The following CELF2 variants were observed in gnomAD, a reference collection of about 807,000 sequenced individuals.
The protein encoded by CELF2 is CUG triplet repeat RNA-binding protein 2.
A neutral mutation model predicts 62.6 loss-of-function variants in CELF2; 8 were observed. That is an observed-to-expected ratio of 0.13 (90% CI 0.07 to 0.23). The LOEUF is 0.23. CELF2 is among the 10% of genes least tolerant of loss of function. The probability of loss-of-function intolerance (pLI) is 1.00; values close to 1 mark genes in which losing one functional copy is unlikely to be tolerated. For missense variants in CELF2, 333 were observed against 671.0 expected (o/e 0.50, Z 5.56); for synonymous variants, 258 against 250.0 (o/e 1.03, Z -0.30).
At chr10:10,549,604 C>G in the CELF2 span, among the ~76,000 whole-genome samples, 1 of 152,122 alleles carries the variant, frequency 6.6e-6, no homozygotes, top group Non-Finnish European at 1.5e-5. Context: ...TCTTCTGCAG[C>G]CTCTCTTCTT....
In CELF2 at chr10:11,025,229, G is replaced by A. The variant is rs975537394; in HGVS notation, c.74+7066G>A. ...TATATGTGTGTGTGTGTGTGTGTGT[G>A]TGTGTGTGTGTATATGTATGTGACT... is the stretch of plus-strand genomic sequence containing the variant. On this transcript the variant is annotated intron_variant, in intron 1 of 12. Transcript: ENST00000633077. Among the ~76,000 whole-genome samples, 14 of 48,974 alleles carry A rather than the reference G, an allele frequency of 2.9e-4. No homozygotes were observed. The South Asian group carries it at 6.6e-3, about 23-fold the overall frequency. The allele number at this position is 48,974 out of a possible 152,430, so 32.1% of individuals were successfully genotyped here.
At chr10:10,820,303 T>C (rs2056851214) in intron 1 of CELF2, among the ~76,000 whole-genome samples, 1 of 152,156 alleles carries the variant, frequency 6.6e-6, no homozygotes. Context: ...TAGAAATCAT[T>C]TAAAAAGGGA....
intron 1 of CELF2, among the ~76,000 whole-genome samples, chr10:10,845,762 A>G (rs1364184909): frequency 6.6e-6 from 1 of 152,138 alleles, no homozygotes; most frequent in African/African-American, 2.4e-5. Context: ...CTTAAATAAG[A>G]TCTGAGCACT....
intron 9 of CELF2, among the ~76,000 whole-genome samples, chr10:11,293,118 C>T (rs2092729046): frequency 6.6e-6 from 1 of 152,214 alleles, no homozygotes; most frequent in Non-Finnish European, 1.5e-5. Context: ...CCAGATCAGG[C>T]CACCCCCCGT....
At chr10:10,716,722 A>G in the CELF2 span, among the ~76,000 whole-genome samples, 1 of 152,186 alleles carries the variant, frequency 6.6e-6, no homozygotes, top group African/African-American at 2.4e-5. Context: ...AGTATCAGAG[A>G]CCAAGGTGAT....
intron 9 of CELF2, among the ~76,000 whole-genome samples, chr10:11,303,171 T>A (rs1311690216): frequency 1.3e-5 from 2 of 152,184 alleles, no homozygotes; most frequent in East Asian, 1.9e-4. Context: ...AATTTTGATC[T>A]CTTGAGCTGC....
At chr10:10,844,387 G>GGCCAAAACAGTGATTCTTTT (rs2058880949) in intron 1 of CELF2, among the ~76,000 whole-genome samples, 1 of 151,964 alleles carries the variant, frequency 6.6e-6, no homozygotes, top group African/African-American at 2.4e-5. Context: ...TAATACTTCT[G>GGCCAAAACAGTGATTCTTTT]GCCAAAACAG....
chr10:10,798,385 C>T (rs753449007), upstream of CELF2: 4 of 183,152 alleles, frequency 2.2e-5, no homozygotes, highest in Non-Finnish European at 4.5e-5. Context: ...CGAATGATTG[C>T]TGGTAAAGTC....
the CELF2 span, among the ~76,000 whole-genome samples, chr10:10,484,608 C>G: frequency 1.3e-5 from 2 of 151,764 alleles, no homozygotes; most frequent in African/African-American, 4.8e-5. Context: ...TGAGCCACCA[C>G]ACCCTGCCAG....
intron 1 of CELF2, among the ~76,000 whole-genome samples, chr10:10,849,690 C>G (rs530454138): frequency 6.6e-6 from 1 of 152,118 alleles, no homozygotes; most frequent in Non-Finnish European, 1.5e-5. Flanking sequence ...ATGACACAAT[C>G]TGGCTCGCTC....
the CELF2 span, among the ~76,000 whole-genome samples, chr10:10,759,457 C>G: frequency 6.6e-6 from 1 of 151,762 alleles, no homozygotes; most frequent in Non-Finnish European, 1.5e-5. Flanking sequence ...TTACAGGTGC[C>G]AAGCATGGTG....
chr10:11,088,096 G>A (rs2141804848), intron 1 of CELF2, among the ~76,000 whole-genome samples: 1 of 152,344 alleles, frequency 6.6e-6, no homozygotes, highest in East Asian at 1.9e-4. Context: ...TGCTTCAGTA[G>A]AGGAGGTGAG....
In CELF2 at chr10:11,275,114, A is replaced by T; in HGVS notation, c.835A>T (p.Met279Leu). The T allele has an allele frequency of 1.2e-6, 2 of 1,614,216 alleles. No individual in the cohort carries two copies. The highest frequency in any genetic ancestry group is 1.7e-6 in the Non-Finnish European group (2 of 1,180,024). Residue 279 changes from methionine (M) to leucine (L), a missense_variant, in exon 8 of 13, where the codon ATG becomes TTG. Physicochemically the swap from Met to Leu is conservative, Grantham distance 15. This residue lies in a region of CELF2 where 253 missense variants were observed against 503.0 expected (regional missense o/e 0.50). Coordinates refer to ENST00000633077, the MANE Select transcript of CELF2 (RefSeq NM_001326342.2). Reference protein sequence around the residue: ...NLGAFSGIQQMAGMNALQLQN... With the variant: ...NLGAFSGIQQLAGMNALQLQN... ...GGGTGCGTTCAGCGGCATTCAACAAATGGCAGGTAAGTCAGGAAGCACGCC... is the reference window on the plus strand; with the variant it reads ...GGGTGCGTTCAGCGGCATTCAACAATTGGCAGGTAAGTCAGGAAGCACGCC...
chr10:10,903,058 G>A (rs1018481632), intron 1 of CELF2, among the ~76,000 whole-genome samples: 2 of 152,152 alleles, frequency 1.3e-5, no homozygotes, highest in Admixed American at 6.5e-5. Flanking sequence ...CAGAGAACTC[G>A]TCTAGGAGCT....
At chr10:10,944,378 C>T (rs1435451053) in intron 2 of CELF2, 1 of 152,624 alleles carries the variant, frequency 6.6e-6, no homozygotes, top group Non-Finnish European at 1.5e-5. Flanking sequence ...AGTCCACAGT[C>T]ATCACAGGCA....
chr10:10,627,412 G>A, the CELF2 span, among the ~76,000 whole-genome samples: 2 of 152,152 alleles, frequency 1.3e-5, no homozygotes, highest in Non-Finnish European at 2.9e-5. Flanking sequence ...CTTCTGTACC[G>A]GATCAGTTTA....
intron 1 of CELF2, among the ~76,000 whole-genome samples, chr10:10,896,780 A>G (rs1206308695): frequency 2.0e-5 from 3 of 152,220 alleles, no homozygotes; most frequent in African/African-American, 7.2e-5. Context: ...AGAATTGTGC[A>G]GAATAAATTT....
chr10:11,161,943 C>T (rs1565006684), intron 1 of CELF2, among the ~76,000 whole-genome samples: 2 of 152,338 alleles, frequency 1.3e-5, no homozygotes, highest in South Asian at 2.1e-4. Flanking sequence ...GTCAGTGCTA[C>T]AGCCCCATGA....
intron 1 of CELF2, among the ~76,000 whole-genome samples, chr10:11,149,156 C>T (rs761460342): frequency 6.6e-6 from 1 of 152,126 alleles, no homozygotes; most frequent in Non-Finnish European, 1.5e-5. Context: ...CTGCAACTTC[C>T]ACCTCCTGTG....
Sources: gnomAD v4.1 joint callset for allele counts (sites outside exome capture counted in the v4.1 genomes callset) on GRCh38, gnomAD v4.1.1 for gene constraint, gnomAD v4.1.1 regional missense constraint, MANE v1.5 for transcripts, NCBI Gene and HGNC (gene_info 2026-07-23, HGNC 2026-07-21) for gene names.